VAT1L: variants seen among roughly 807,000 people sequenced by gnomAD.
VAT1L encodes the protein putative NADPH-dependent quinone oxidoreductase VAT1L.
A neutral mutation model predicts 44.1 loss-of-function variants in VAT1L; 34 were observed. The observed-to-expected ratio is 0.77, with a 90% CI of 0.59 to 1.03. The LOEUF (loss-of-function observed/expected upper bound fraction) is 1.03, where lower values mean the gene tolerates loss of function less well. Among genes scored for constraint, VAT1L ranks in the 50% least tolerant of loss-of-function variants. The probability of loss-of-function intolerance (pLI) is 0.00; values close to 1 mark genes in which losing one functional copy is unlikely to be tolerated. For missense variants in VAT1L, 615 were observed against 538.8 expected (o/e 1.14, Z -1.40); for synonymous variants, 253 against 202.2 (o/e 1.25, Z -2.13).
chr16:77,865,757 C>T (rs2016967247), intron 4 of VAT1L, among the ~76,000 whole-genome samples: 1 of 152,292 alleles, frequency 6.6e-6, no homozygotes, highest in Non-Finnish European at 1.5e-5. Context: ...TCAGGAAAAG[C>T]TTGCTGAACT....
intron 7 of VAT1L, among the ~76,000 whole-genome samples, chr16:77,908,230 C>A (rs2017459294): frequency 6.9e-6 from 1 of 144,160 alleles, no homozygotes; most frequent in Admixed American, 6.8e-5. Flanking sequence ...CAGAGTGAGA[C>A]TCTGTCTCAA....
chr16:77,941,379 AT>A (rs1252151465), intron 7 of VAT1L, among the ~76,000 whole-genome samples: 1 of 152,174 alleles, frequency 6.6e-6, no homozygotes, highest in African/African-American at 2.4e-5. Flanking sequence ...TCATATGTTG[AT>A]TTGTATCAGC....
At chr16:77,863,562 A>T (rs1418273621) in intron 4 of VAT1L, among the ~76,000 whole-genome samples, 3 of 152,192 alleles carry the variant, frequency 2.0e-5, no homozygotes, top group African/African-American at 7.2e-5. Context: ...CACCTCTCTG[A>T]ACAGTGAAGC....
intron 1 of VAT1L, among the ~76,000 whole-genome samples, chr16:77,810,314 C>G (rs1009375925): frequency 6.6e-6 from 1 of 152,142 alleles, no homozygotes; most frequent in Admixed American, 6.5e-5. Context: ...AGACCTCGCC[C>G]CAGATCTACT....
intron 7 of VAT1L, among the ~76,000 whole-genome samples, chr16:77,968,387 G>C (rs148663689): frequency 6.6e-6 from 1 of 152,300 alleles, no homozygotes; most frequent in Non-Finnish European, 1.5e-5. Context: ...GAAAGAGGAG[G>C]AACACGTTCA....
intron 6 of VAT1L, among the ~76,000 whole-genome samples, chr16:77,880,718 G>T (rs1279909633): frequency 6.8e-6 from 1 of 147,954 alleles, no homozygotes; most frequent in Non-Finnish European, 1.5e-5. Flanking sequence ...CATTCACATA[G>T]TGAGCATAGT....
At chr16:77,958,894 A>G (rs2018132913) in intron 7 of VAT1L, among the ~76,000 whole-genome samples, 1 of 152,218 alleles carries the variant, frequency 6.6e-6, no homozygotes, top group South Asian at 2.1e-4. Flanking sequence ...CTCTTGAAGA[A>G]TCCCACTAGT....
rs752133479 is a variant in VAT1L at position 77,817,068 on chromosome 16, A to ATT, written c.363+19_363+20dup. On this transcript the variant is annotated intron_variant, in intron 2 of 8. Coordinates refer to ENST00000302536, the MANE Select transcript of VAT1L (RefSeq NM_020927.3). ...GATATGAGGTAATGTTTGGCTCTCAATTGAAGAGTAATATTCATTTGGAAT... is the reference window on the plus strand; with the variant it reads ...GATATGAGGTAATGTTTGGCTCTCAATTTTGAAGAGTAATATTCATTTGGAAT... 2.5e-6 allele frequency: 4 copies of ATT among 1,607,370 alleles called. No individual in the cohort carries two copies. The highest frequency in any genetic ancestry group is 3.4e-5 in the Admixed American group (2 of 58,310).
intron 3 of VAT1L, among the ~76,000 whole-genome samples, chr16:77,826,216 A>G (rs922637558): frequency 1.3e-5 from 2 of 151,410 alleles, no homozygotes; most frequent in African/African-American, 4.9e-5. Flanking sequence ...CAAAAAAAAA[A>G]AAAAAGAAAA....
chr16:77,803,690 A>T lies in VAT1L; in HGVS notation c.234-13231A>T, dbSNP rs918970255. On this transcript the variant is annotated intron_variant, in intron 1 of 8. Coordinates refer to ENST00000302536, the MANE Select transcript of VAT1L (RefSeq NM_020927.3). Reference sequence around the variant, plus strand: ...TGCCCGGGCCTCCCAAAGAGCTGGGATTACAGGCGTGAACCACCATGCCTG... The same window carrying T: ...TGCCCGGGCCTCCCAAAGAGCTGGGTTTACAGGCGTGAACCACCATGCCTG... Among the ~76,000 whole-genome samples, 147 of 152,274 alleles carry T rather than the reference A, an allele frequency of 9.7e-4. 2 individuals are homozygous for T. Among genetic ancestry groups the T allele is most frequent in the Middle Eastern group, 3.4e-3 (1 of 294 alleles).
intron 7 of VAT1L, among the ~76,000 whole-genome samples, chr16:77,889,778 G>C (rs1274750677): frequency 6.6e-6 from 1 of 152,188 alleles, no homozygotes; most frequent in Non-Finnish European, 1.5e-5. Flanking sequence ...TTGAAAACAA[G>C]AGAGAACAAT....
intron 3 of VAT1L, among the ~76,000 whole-genome samples, chr16:77,846,681 C>T (rs1339186987): frequency 6.6e-6 from 1 of 152,132 alleles, no homozygotes; most frequent in Admixed American, 6.5e-5. Context: ...AATACTATAA[C>T]ACCATAATTT....
chr16:77,859,273 C>T (rs78761896), intron 3 of VAT1L, among the ~76,000 whole-genome samples: 6 of 152,150 alleles, frequency 3.9e-5, no homozygotes, highest in African/African-American at 1.4e-4. Flanking sequence ...ACACTCCAAC[C>T]TGACAGAGTG....
chr16:77,867,806 C>T (rs1481986064), intron 4 of VAT1L, among the ~76,000 whole-genome samples: 2 of 151,332 alleles, frequency 1.3e-5, no homozygotes, highest in African/African-American at 2.4e-5. Context: ...TTGCAGTGAG[C>T]CCAGATTATG....
chr16:77,890,725 C>T (rs191713970), intron 7 of VAT1L, among the ~76,000 whole-genome samples: 98 of 150,638 alleles, frequency 6.5e-4, no homozygotes, highest in Non-Finnish European at 1.1e-3. Flanking sequence ...GAGTTCAAGA[C>T]CAGCCTGAGC....
At chr16:77,850,105 C>A (rs1372889678) in intron 3 of VAT1L, among the ~76,000 whole-genome samples, 1 of 152,154 alleles carries the variant, frequency 6.6e-6, no homozygotes, top group Non-Finnish European at 1.5e-5. Flanking sequence ...CACGATAGTC[C>A]CAAGTAAACG....
intron 1 of VAT1L, among the ~76,000 whole-genome samples, chr16:77,803,858 C>T (rs963457284): frequency 6.6e-6 from 1 of 152,190 alleles, no homozygotes; most frequent in Admixed American, 6.5e-5. Context: ...CTTCTCCCCT[C>T]TGTGGAGAGG....
intron 3 of VAT1L, among the ~76,000 whole-genome samples, chr16:77,860,295 C>A (rs536443460): frequency 2.0e-5 from 3 of 152,270 alleles, no homozygotes; most frequent in East Asian, 3.9e-4. Flanking sequence ...TCAGAGATGG[C>A]CACGAGTTAG....
At chr16:77,910,880 G>A (rs184535318) in intron 7 of VAT1L, among the ~76,000 whole-genome samples, 2 of 152,188 alleles carry the variant, frequency 1.3e-5, no homozygotes, top group East Asian at 3.9e-4. Flanking sequence ...AGAGCATTAC[G>A]ACAGTACATC....
Sources: gnomAD v4.1 joint callset for allele counts (sites outside exome capture counted in the v4.1 genomes callset) on GRCh38, gnomAD v4.1.1 for gene constraint, MANE v1.5 for transcripts, NCBI Gene and HGNC (gene_info 2026-07-23, HGNC 2026-07-21) for gene names.